ANKRD22: variants seen among roughly 807,000 people sequenced by gnomAD.
The protein encoded by ANKRD22 is ankyrin repeat domain 22.
Under a neutral mutation model 25.7 loss-of-function variants are expected in ANKRD22, and 24 were observed. The ratio of observed to expected loss-of-function variants is 0.93; its 90% CI spans 0.68 to 1.31. ANKRD22 has a LOEUF of 1.31. ANKRD22 is among the 50% of genes most tolerant of loss of function. The probability of loss-of-function intolerance (pLI) is 0.00; values close to 1 mark genes in which losing one functional copy is unlikely to be tolerated. For synonymous variants in ANKRD22, 84 were observed against 84.3 expected, an observed-to-expected ratio of 1.00 and a Z score of 0.02; for missense variants, 214 against 227.1, an observed-to-expected ratio of 0.94 and a Z score of 0.37.
At chr10:88,828,444 C>G in intron 3 of ANKRD22, 115 bp downstream of exon 3, 1 of 808,076 alleles carries the variant, frequency 1.2e-6, no homozygotes, top group East Asian at 2.5e-5. Context: ...AGAATACAAA[C>G]CAAAGGCTTT....
In ANKRD22 at chr10:88,822,544, C is replaced by CTGTTTTTTTTTTT. The variant is rs1554832256; in HGVS notation, c.*396_*397insAAAAAAAAAAACA. ...AAAGACTGAGTTTGGAACACCAGGG[C>CTGTTTTTTTTTTT]TTTTTTTTTTTTTTTTTTTTTTGAG... On this transcript the variant is annotated 3_prime_UTR_variant, in exon 6 of 6. Transcript: ENST00000371930. The CTGTTTTTTTTTTT allele has an allele frequency of 2.7e-5, 1 of 36,438 alleles. No individual in the cohort carries two copies. Among genetic ancestry groups the CTGTTTTTTTTTTT allele is most frequent in the Non-Finnish European group, 5.9e-5 (1 of 17,014 alleles). The allele number at this position is 36,438 out of a possible 1,614,324, so 2.3% of individuals were successfully genotyped here.
intron 1 of ANKRD22, among the ~76,000 whole-genome samples, chr10:88,846,216 T>C (rs552982063): frequency 2.6e-5 from 4 of 152,260 alleles, no homozygotes; most frequent in Admixed American, 2.6e-4. Context: ...CTGAACATAG[T>C]TGCAGGACAG....
intron 1 of ANKRD22, among the ~76,000 whole-genome samples, chr10:88,841,601 A>G (rs2133079505): frequency 6.6e-6 from 1 of 152,264 alleles, no homozygotes; most frequent in Middle Eastern, 3.4e-3. Context: ...GTAAGTTATA[A>G]TGGAGACCAG....
intron 1 of ANKRD22, among the ~76,000 whole-genome samples, chr10:88,834,302 G>C (rs1213499881): frequency 6.6e-6 from 1 of 152,162 alleles, no homozygotes; most frequent in South Asian, 2.1e-4. Flanking sequence ...CAAATACAAA[G>C]ATAAATGAAG....
chr10:88,825,571 C>T (rs1478481298), intron 4 of ANKRD22, among the ~76,000 whole-genome samples: 2 of 152,246 alleles, frequency 1.3e-5, no homozygotes, highest in Non-Finnish European at 2.9e-5. Flanking sequence ...ACATTCTGAG[C>T]ATGTGCTAAG....
At chr10:88,823,799 G>C (rs1309095118) in intron 4 of ANKRD22, among the ~76,000 whole-genome samples, 1 of 133,624 alleles carries the variant, frequency 7.5e-6, no homozygotes, top group African/African-American at 3.0e-5. Context: ...CTGCGCTCCA[G>C]CCTGGGCGAC....
chr10:88,846,684 A>G (rs569007278), intron 1 of ANKRD22, among the ~76,000 whole-genome samples: 13 of 152,328 alleles, frequency 8.5e-5, no homozygotes, highest in African/African-American at 2.9e-4. Context: ...GCTTTTGCCT[A>G]TTACAGCAGG....
At chr10:88,834,499 T>C (rs1028190344) in intron 1 of ANKRD22, among the ~76,000 whole-genome samples, 1 of 152,240 alleles carries the variant, frequency 6.6e-6, no homozygotes, top group African/African-American at 2.4e-5. Flanking sequence ...CATTTGGAAA[T>C]TGGTGGTCTA....
intron 1 of ANKRD22, among the ~76,000 whole-genome samples, chr10:88,840,110 T>G (rs555570316): frequency 6.6e-6 from 1 of 152,280 alleles, no homozygotes; most frequent in South Asian, 2.1e-4. Context: ...TAATGGAACA[T>G]TAGGAAAAAT....
At chr10:88,847,657 C>CT (rs1844062034) in intron 1 of ANKRD22, among the ~76,000 whole-genome samples, 2 of 122,072 alleles carry the variant, frequency 1.6e-5, no homozygotes, top group Non-Finnish European at 3.4e-5. Flanking sequence ...ATAAATGCTT[C>CT]CTTTTTTTTT....
At chr10:88,825,104 T>C (rs1007167798) in intron 4 of ANKRD22, among the ~76,000 whole-genome samples, 1 of 151,036 alleles carries the variant, frequency 6.6e-6, no homozygotes, top group African/African-American at 2.4e-5. Flanking sequence ...AAATAATTGA[T>C]AGAAACAGGA....
At chr10:88,849,237 G>T (rs1057263163) in intron 1 of ANKRD22, among the ~76,000 whole-genome samples, 1 of 151,974 alleles carries the variant, frequency 6.6e-6, no homozygotes, top group Non-Finnish European at 1.5e-5. Context: ...TCTTCTTTCC[G>T]ATTTTTGTGC....
In ANKRD22 at chr10:88,820,352, C is replaced by T. The variant is rs1435061398; in HGVS notation, c.*2589G>A. 1.9e-6 allele frequency: 3 copies of T among 1,552,302 alleles called. No homozygotes were observed. The South Asian group carries it at 3.6e-5, about 18-fold the overall frequency. Reference sequence around the variant, plus strand: ...AATGCTGCTCTCTGAGGTGACCAACCTCATCTACCATAAGAATATTCCTGA... The same window carrying T: ...AATGCTGCTCTCTGAGGTGACCAACTTCATCTACCATAAGAATATTCCTGA... On this transcript the variant is annotated 3_prime_UTR_variant, in exon 6 of 6. Transcript: ENST00000371930.
intron 1 of ANKRD22, among the ~76,000 whole-genome samples, chr10:88,839,601 C>T (rs926737524): frequency 1.3e-5 from 2 of 152,104 alleles, no homozygotes; most frequent in Admixed American, 1.3e-4. Context: ...AGCTCATTGG[C>T]CTTAAATGAG....
At chr10:88,845,097 C>G (rs1844035974) in intron 1 of ANKRD22, among the ~76,000 whole-genome samples, 1 of 152,112 alleles carries the variant, frequency 6.6e-6, no homozygotes, top group African/African-American at 2.4e-5. Flanking sequence ...CTCCTCACCA[C>G]TTTTGGTGCT....
chr10:88,843,440 G>A (rs1368774400), intron 1 of ANKRD22, among the ~76,000 whole-genome samples: 4 of 152,108 alleles, frequency 2.6e-5, no homozygotes, highest in Non-Finnish European at 4.4e-5. Flanking sequence ...GGGAGAAAAC[G>A]TTGCCTTTGC....
chr10:88,836,276 A>G (rs954378496), intron 1 of ANKRD22, among the ~76,000 whole-genome samples: 1 of 152,198 alleles, frequency 6.6e-6, no homozygotes, highest in African/African-American at 2.4e-5. Flanking sequence ...ATGAGGCTAC[A>G]TTTTGTCTGT....
intron 2 of ANKRD22, among the ~76,000 whole-genome samples, chr10:88,829,655 A>G (rs1202061695): frequency 8.0e-6 from 1 of 124,504 alleles, no homozygotes; most frequent in African/African-American, 2.5e-5. Context: ...TTTCCATGCA[A>G]TTCAATATTT....
chr10:88,821,637 C>G lies in ANKRD22; in HGVS notation c.*1304G>C, dbSNP rs1292515145. ...ATCTATATCTACACACTATTACTTCCTTCATAAAATAAGTTTCTTAAATCC... is the reference window on the plus strand; with the variant it reads ...ATCTATATCTACACACTATTACTTCGTTCATAAAATAAGTTTCTTAAATCC... On this transcript the variant is annotated 3_prime_UTR_variant, in exon 6 of 6. Coordinates refer to ENST00000371930, the MANE Select transcript of ANKRD22 (RefSeq NM_144590.3). Among the ~76,000 whole-genome samples the G allele has an allele frequency of 6.6e-6, 1 of 152,138 alleles. No individual in the cohort carries two copies. Among genetic ancestry groups the G allele is most frequent in the Non-Finnish European group, 1.5e-5 (1 of 68,010 alleles).
Sources: allele counts gnomAD v4.1 joint callset (sites outside exome capture counted in the v4.1 genomes callset), GRCh38; gene constraint gnomAD v4.1.1; transcripts MANE v1.5; gene names NCBI Gene and HGNC (gene_info 2026-07-23, HGNC 2026-07-21).